The following KCNN2 variants were observed in gnomAD, a reference collection of about 807,000 sequenced individuals.
The protein encoded by KCNN2 is small conductance calcium-activated potassium channel protein 2.
A neutral mutation model predicts 55.5 loss-of-function variants in KCNN2; 24 were observed. The ratio of observed to expected loss-of-function variants is 0.43; its 90% CI spans 0.31 to 0.61. The LOEUF (loss-of-function observed/expected upper bound fraction) is 0.61, where lower values mean the gene tolerates loss of function less well. Among genes scored for constraint, KCNN2 ranks in the 20% least tolerant of loss-of-function variants. KCNN2 has a pLI of 0.08. For synonymous variants in KCNN2, 431 were observed against 336.1 expected (o/e 1.28, Z -3.09); for missense variants, 754 against 853.6 (o/e 0.88, Z 1.45).
chr5:114,380,804 A>C (rs1320854673), intron 2 of KCNN2, among the ~76,000 whole-genome samples: 1 of 152,130 alleles, frequency 6.6e-6, no homozygotes, highest in Non-Finnish European at 1.5e-5. Context: ...CTGGTAGGAC[A>C]TGTGGCCTTT....
intron 2 of KCNN2, among the ~76,000 whole-genome samples, chr5:114,292,672 C>T (rs191952297): frequency 0.019 from 2,871 of 152,154 alleles, 78 homozygotes; most frequent in African/African-American, 0.063. Context: ...CTTGGTGACG[C>T]GGGCTCTTTT....
At chr5:114,279,905 C>T (rs1038851619) in intron 2 of KCNN2, among the ~76,000 whole-genome samples, 1 of 152,166 alleles carries the variant, frequency 6.6e-6, no homozygotes, top group Non-Finnish European at 1.5e-5. Context: ...AACTAGTTTA[C>T]AGTCCCACCA....
At chr5:114,109,176 T>G (rs1358093128) in intron 1 of KCNN2, among the ~76,000 whole-genome samples, 1 of 152,054 alleles carries the variant, frequency 6.6e-6, no homozygotes, top group South Asian at 2.1e-4. Flanking sequence ...CAGGTCCTCA[T>G]GGATTGTTGG....
At chr5:114,264,312 A>G (rs1387665039) in intron 2 of KCNN2, among the ~76,000 whole-genome samples, 2 of 152,134 alleles carry the variant, frequency 1.3e-5, no homozygotes, top group Non-Finnish European at 2.9e-5. Flanking sequence ...TCATCCTTTC[A>G]TGTTCCATAA....
At chr5:114,195,737 G>A (rs1331704681) in intron 1 of KCNN2, among the ~76,000 whole-genome samples, 3 of 152,008 alleles carry the variant, frequency 2.0e-5, no homozygotes, top group Non-Finnish European at 4.4e-5. Context: ...CACAGTGAGA[G>A]CAGACATCCT....
At chr5:114,463,337 G>T (rs1761295311) in intron 4 of KCNN2, 147 bp downstream of exon 4, 1 of 588,728 alleles carries the variant, frequency 1.7e-6, no homozygotes, top group Admixed American at 3.5e-5. Flanking sequence ...TGTTGAGAGA[G>T]AATGTCAACA....
At chr5:114,399,255 C>T (rs374008810) in intron 2 of KCNN2, among the ~76,000 whole-genome samples, 1 of 151,950 alleles carries the variant, frequency 6.6e-6, no homozygotes. Flanking sequence ...AACATGATGG[C>T]CTGTTGAGTT....
chr5:114,139,405 T>C (rs186556771), intron 1 of KCNN2, among the ~76,000 whole-genome samples: 1 of 151,868 alleles, frequency 6.6e-6, no homozygotes, highest in East Asian at 1.9e-4. Context: ...TCCTCTCCAC[T>C]TCTTCCTTCT....
At chr5:114,228,715 C>A (rs552286361) in intron 2 of KCNN2, among the ~76,000 whole-genome samples, 47 of 152,168 alleles carry the variant, frequency 3.1e-4, no homozygotes, top group African/African-American at 1.1e-3. Context: ...CAGATTATGA[C>A]TTCTTCATAA....
At chr5:114,194,601 C>T (rs978567750) in intron 1 of KCNN2, among the ~76,000 whole-genome samples, 1 of 151,956 alleles carries the variant, frequency 6.6e-6, no homozygotes, top group African/African-American at 2.4e-5. Flanking sequence ...GAATGTAAGT[C>T]CTTTAGCACA....
chr5:114,101,369 G>A (rs562409942), intron 1 of KCNN2, among the ~76,000 whole-genome samples: 171 of 149,674 alleles, frequency 1.1e-3, no homozygotes, highest in Non-Finnish European at 1.9e-3. Flanking sequence ...TCTAGGTGGC[G>A]CCATTTACAT....
chr5:114,493,230 G>A (rs1010115463), intron 6 of KCNN2, 173 bp from the exon 7 acceptor site: 7 of 685,624 alleles, frequency 1.0e-5, no homozygotes, highest in African/African-American at 7.1e-5. Flanking sequence ...GCGGTGTTGG[G>A]GAAGCATGCT....
intron 2 of KCNN2, among the ~76,000 whole-genome samples, chr5:114,232,016 C>T (rs187073404): frequency 6.6e-6 from 1 of 151,150 alleles, no homozygotes; most frequent in Non-Finnish European, 1.5e-5. Context: ...TACTTTTAAT[C>T]TACTGATTTT....
At chr5:114,265,766 C>T (rs1003046453) in intron 2 of KCNN2, among the ~76,000 whole-genome samples, 6 of 152,200 alleles carry the variant, frequency 3.9e-5, no homozygotes, top group Non-Finnish European at 7.3e-5. Flanking sequence ...ATGACCCAGT[C>T]ATATTGACAT....
intron 1 of KCNN2, among the ~76,000 whole-genome samples, chr5:114,159,175 C>G (rs978472427): frequency 2.6e-5 from 4 of 152,050 alleles, no homozygotes; most frequent in African/African-American, 9.7e-5. Flanking sequence ...GAGATACGTC[C>G]CATCAATACC....
chr5:114,250,576 G>T (rs577788981), intron 2 of KCNN2, among the ~76,000 whole-genome samples: 2 of 152,274 alleles, frequency 1.3e-5, no homozygotes, highest in East Asian at 3.9e-4. Context: ...TGAAAAGGTA[G>T]AGTGCACAGG....
At chr5:114,404,881 A>G in intron 3 of KCNN2, 25 bp downstream of exon 3, 1 of 1,577,460 alleles carries the variant, frequency 6.3e-7, no homozygotes, top group African/African-American at 1.4e-5. Context: ...TTTCCTGAGA[A>G]CATAATTTAC....
chr5:114,416,640 T>G (rs767671529), intron 3 of KCNN2, among the ~76,000 whole-genome samples: 5 of 152,248 alleles, frequency 3.3e-5, no homozygotes, highest in Non-Finnish European at 5.9e-5. Flanking sequence ...GTCTAATATC[T>G]TTGCTTTCAT....
intron 2 of KCNN2, among the ~76,000 whole-genome samples, chr5:114,282,398 A>G (rs539254596): frequency 2.0e-5 from 3 of 152,264 alleles, no homozygotes; most frequent in East Asian, 3.9e-4. Context: ...GAACTTAAAG[A>G]TCACATTTTA....
Sources: allele counts gnomAD v4.1 joint callset (sites outside exome capture counted in the v4.1 genomes callset), GRCh38; gene constraint gnomAD v4.1.1; transcripts MANE v1.5; gene names NCBI Gene and HGNC (gene_info 2026-07-23, HGNC 2026-07-21).